PIK3CD: variants seen among roughly 807,000 people sequenced by gnomAD.
PIK3CD encodes phosphatidylinositol 4,5-bisphosphate 3-kinase catalytic subunit delta isoform.
In PIK3CD, 20 loss-of-function variants were observed where a neutral mutation model predicts 122.9. The ratio of observed to expected loss-of-function variants is 0.16; its 90% confidence interval spans 0.11 to 0.24. PIK3CD has a LOEUF of 0.24. PIK3CD is among the 10% of genes least tolerant of loss of function. The pLI, the probability that PIK3CD is intolerant of heterozygous loss-of-function variation, is 1.00. For missense variants in PIK3CD, 787 were observed against 1,406.3 expected (o/e 0.56, Z 7.04); for synonymous variants, 596 against 593.4 (o/e 1.00, Z -0.06).
intron 2 of PIK3CD, among the ~76,000 whole-genome samples, chr1:9,696,217 C>G (rs1363746490): frequency 6.6e-6 from 1 of 151,940 alleles, no homozygotes; most frequent in Non-Finnish European, 1.5e-5. Flanking sequence ...AGCAATCCAC[C>G]CACCGTGGCC....
the PIK3CD span, among the ~76,000 whole-genome samples, chr1:9,643,309 C>G: frequency 6.6e-6 from 1 of 151,466 alleles, no homozygotes; most frequent in Admixed American, 6.6e-5. Context: ...ACTCAGGAAG[C>G]TGAGGCAGGA....
chr1:9,716,901 G>A (rs1053590776), intron 6 of PIK3CD, 58 bp from the exon 7 acceptor site: 1 of 1,611,092 alleles, frequency 6.2e-7, no homozygotes, highest in African/African-American at 1.3e-5. Flanking sequence ...GGGAATCCTG[G>A]TGTCCAGGGA....
intron 23 of PIK3CD, among the ~76,000 whole-genome samples, chr1:9,726,305 G>C (rs1045913405): frequency 6.6e-6 from 1 of 152,014 alleles, no homozygotes; most frequent in Non-Finnish European, 1.5e-5. Flanking sequence ...TCAGGAGATC[G>C]AGACCATCCT....
intron 2 of PIK3CD, among the ~76,000 whole-genome samples, chr1:9,692,251 A>G (rs1025229245): frequency 5.3e-5 from 8 of 152,176 alleles, no homozygotes; most frequent in Admixed American, 3.9e-4. Context: ...TGGGTGCATA[A>G]CATATTCTGT....
In PIK3CD at chr1:9,691,545, T is replaced by C. The variant is rs1189966212; in HGVS notation, c.-59T>C. 2.5e-6 allele frequency: 1 copy of C among 398,622 alleles called. No individual in the cohort carries two copies. Among genetic ancestry groups the C allele is most frequent in the Non-Finnish European group, 4.4e-6 (1 of 226,092 alleles). 24.7% of individuals were successfully genotyped at this position (398,622 alleles called of 1,614,324 possible). A position where few individuals can be genotyped will look rare whatever the true frequency, so the allele number is the denominator to read the frequency against. ...ATCTGCCAGGCGGAGGGGGCTTTGCTGGTCTTTCTTGGACTATTCCAGAGA... is the reference window on the plus strand; with the variant it reads ...ATCTGCCAGGCGGAGGGGGCTTTGCCGGTCTTTCTTGGACTATTCCAGAGA... On this transcript the variant is annotated 5_prime_UTR_variant, in exon 2 of 24. Coordinates refer to ENST00000377346, the MANE Select transcript of PIK3CD (RefSeq NM_005026.5).
intron 1 of PIK3CD, chr1:9,653,935 G>A: frequency 7.3e-7 from 1 of 1,364,772 alleles, no homozygotes; most frequent in Non-Finnish European, 9.8e-7. Context: ...GCTGAGAGCG[G>A]TAGCTCATAC....
At position 9,677,070 on chromosome 1, in the gene PIK3CD, C is replaced by G. The variant is rs554619643; in HGVS notation, c.-137-14397C>G. The stretch of plus-strand genomic sequence containing the variant: ...TTTGGTTCAGAGCTTACAGGGTTGT[C>G]TGCAGATCTCACGAGGATAGGTGGA... On this transcript the variant is annotated intron_variant, in intron 1 of 23. Transcript: ENST00000377346. Among the ~76,000 whole-genome samples the G allele has an allele frequency of 6.6e-5, 10 of 152,276 alleles. No homozygotes were observed. In the South Asian group the frequency reaches 2.1e-3, roughly 32 times the overall value.
chr1:9,723,970 G>A lies in PIK3CD; in HGVS notation c.2596G>A (p.Glu866Lys), dbSNP rs1427870699. The part of the protein sequence containing the change: ...LNWLKSKNPG[E>K]ALDRAIEEFT... ...TGCTTTTTAATCTTCCCCACCCAGG[G>A]AGGCCCTGGATCGAGCCATTGAGGA... The change falls in exon 21 of 24, where the codon GAG becomes AAG. Residue 866 changes from glutamate (E) to lysine (K), a missense_variant and splice_region_variant. Transcript: ENST00000377346. The surrounding 1 kb of genome is among the most constrained non-coding windows in gnomAD (Gnocchi z 4.9). 5.6e-6 allele frequency: 9 copies of A among 1,614,152 alleles called. No homozygotes were observed. Among genetic ancestry groups the A allele is most frequent in the African/African-American group, 1.3e-5 (1 of 75,056 alleles).
Position 9,715,723 on chromosome 1 carries a change from C to T in PIK3CD, c.324C>T (p.Arg108=), listed in dbSNP as rs540840239. The change falls in exon 4 of 24, where the codon CGC becomes CGT. Residue 108 remains arginine (R), a synonymous_variant. Coordinates refer to ENST00000377346, the MANE Select transcript of PIK3CD (RefSeq NM_005026.5). This position sits in a 1 kb window ranked among gnomAD's most constrained non-coding sequence, Gnocchi z 4.1. ...GCCTGGTGGCCCGTGAGGGCGACCG[C>T]GTGAAGAAGCTCATCAACTCACAGA... ...VLRLVAREGD[R]VKKLINSQIS... The T allele has an allele frequency of 6.2e-6, 10 of 1,613,504 alleles. No individual in the cohort carries two copies. The highest frequency in any genetic ancestry group is 2.2e-5 in the East Asian group (1 of 44,882).
chr1:9,721,380 C>T (rs536795646), intron 14 of PIK3CD, 64 bp from the exon 15 acceptor site: 67 of 1,608,252 alleles, frequency 4.2e-5, no homozygotes, highest in Middle Eastern at 1.7e-4. Context: ...CTCTGGCTGC[C>T]GAGGGAGCTC....
At chr1:9,696,144 A>G (rs1045025779) in intron 2 of PIK3CD, among the ~76,000 whole-genome samples, 1 of 151,506 alleles carries the variant, frequency 6.6e-6, no homozygotes, top group African/African-American at 2.4e-5. Context: ...GCTAATTTTT[A>G]TCCTTTTTGT....
chr1:9,690,250 C>T (rs932655926), intron 1 of PIK3CD, among the ~76,000 whole-genome samples: 1 of 152,202 alleles, frequency 6.6e-6, no homozygotes, highest in African/African-American at 2.4e-5. Context: ...CCCGGGGGAG[C>T]GCCTTCTCCC....
chr1:9,697,011 C>T (rs1646441439), intron 2 of PIK3CD, among the ~76,000 whole-genome samples: 1 of 148,102 alleles, frequency 6.8e-6, no homozygotes, highest in Non-Finnish European at 1.5e-5. Context: ...TTGCAGTGAG[C>T]TGTACTTGTG....
upstream of PIK3CD, among the ~76,000 whole-genome samples, chr1:9,647,731 T>C (rs1185387343): frequency 6.6e-6 from 1 of 152,012 alleles, no homozygotes; most frequent in Non-Finnish European, 1.5e-5. Flanking sequence ...GTCTTGATCC[T>C]CTAGCCCCAG....
chr1:9,722,410 G>T lies in PIK3CD; in HGVS notation c.2347+54G>T, dbSNP rs1648823585. ...CTGTACTGCCCTGGGGGGTCCTGGG[G>T]TGCTCCTAGAGTGGGGGTGGAGAAG... On this transcript the variant is annotated intron_variant, in intron 18 of 23. Coordinates refer to ENST00000377346, the MANE Select transcript of PIK3CD (RefSeq NM_005026.5). The surrounding 1 kb of genome is among the most constrained non-coding windows in gnomAD (Gnocchi z 7.6). The T allele has an allele frequency of 1.2e-5, 18 of 1,564,942 alleles. No individual in the cohort carries two copies. The highest frequency in any genetic ancestry group is 2.3e-5 in the East Asian group (1 of 44,352).
At chr1:9,684,115 G>A (rs1177081829) in intron 1 of PIK3CD, among the ~76,000 whole-genome samples, 1 of 152,104 alleles carries the variant, frequency 6.6e-6, no homozygotes, top group Non-Finnish European at 1.5e-5. Flanking sequence ...TAGCATCTCT[G>A]CTGCCATACT....
At chr1:9,654,491 A>G in intron 1 of PIK3CD, 3 of 449,584 alleles carry the variant, frequency 6.7e-6, no homozygotes, top group Non-Finnish European at 5.4e-6. Flanking sequence ...TGCGAAAGCC[A>G]GCCCGCTTTC....
chr1:9,678,252 C>G (rs1645615647), intron 1 of PIK3CD, among the ~76,000 whole-genome samples: 1 of 151,972 alleles, frequency 6.6e-6, no homozygotes, highest in Non-Finnish European at 1.5e-5. Context: ...TCAATTGAGA[C>G]CAACCTGGGC....
the PIK3CD span, among the ~76,000 whole-genome samples, chr1:9,639,070 G>A: frequency 6.6e-6 from 1 of 152,094 alleles, no homozygotes; most frequent in Non-Finnish European, 1.5e-5. Flanking sequence ...TCCGGCCTGG[G>A]ATTAGGATTT....
Sources: gnomAD v4.1 joint callset for allele counts (sites outside exome capture counted in the v4.1 genomes callset) on GRCh38, gnomAD v4.1.1 for gene constraint, Gnocchi (gnomAD v3.1) non-coding constraint, MANE v1.5 for transcripts, NCBI Gene and HGNC (gene_info 2026-07-23, HGNC 2026-07-21) for gene names.